Variants in WWOX observed in about 807,000 individuals in gnomAD.
WWOX encodes the protein WW domain-containing oxidoreductase.
A neutral mutation model predicts 46.2 loss-of-function variants in WWOX; 69 were observed. The observed-to-expected ratio is 1.49, with a 90% confidence interval of 1.23 to 1.82. The LOEUF is 1.82. Among genes scored for constraint, WWOX ranks in the 40% most tolerant of loss-of-function variants. The pLI, the probability that WWOX is intolerant of heterozygous loss-of-function variation, is 0.00. For missense variants in WWOX, 919 were observed against 542.6 expected (o/e 1.69, Z -6.89); for synonymous variants, 359 against 202.6 (o/e 1.77, Z -6.56).
rs1273161638 is a variant in WWOX at position 78,338,920 on chromosome 16, C to G, written c.517-47940C>G. On this transcript the variant is annotated intron_variant, in intron 5 of 8. Transcript: ENST00000566780. ...AAGTTAAAGCAGCCCTCAGCATCAA[C>G]TTCTTCTTCATTTCTAACTCATTTA... 1.7e-5 allele frequency among the ~76,000 whole-genome samples: 2 copies of G among 120,648 alleles called. 1 individual carries two copies. The highest frequency in any genetic ancestry group is 4.0e-5 in the Non-Finnish European group (2 of 50,602). 79.1% of individuals were successfully genotyped at this position (120,648 alleles called of 152,430 possible).
At chr16:78,798,114 G>A (rs897884802) in intron 8 of WWOX, among the ~76,000 whole-genome samples, 4 of 152,200 alleles carry the variant, frequency 2.6e-5, no homozygotes, top group Non-Finnish European at 5.9e-5. Context: ...GCTTGCTCAT[G>A]TTATATAGGG....
At chr16:78,765,059 G>T (rs1251703822) in intron 8 of WWOX, among the ~76,000 whole-genome samples, 1 of 152,236 alleles carries the variant, frequency 6.6e-6, no homozygotes, top group Admixed American at 6.5e-5. Flanking sequence ...TGGAAGGGAA[G>T]TCTCAGCATC....
intron 8 of WWOX, among the ~76,000 whole-genome samples, chr16:79,082,515 G>C (rs2048779335): frequency 6.6e-6 from 1 of 152,186 alleles, no homozygotes; most frequent in Non-Finnish European, 1.5e-5. Flanking sequence ...GTAGCCCAAA[G>C]GAACTGTGTG....
intron 8 of WWOX, among the ~76,000 whole-genome samples, chr16:78,469,240 T>C (rs2084162024): frequency 6.6e-6 from 1 of 152,010 alleles, no homozygotes; most frequent in African/African-American, 2.4e-5. Flanking sequence ...AAACCACCCA[T>C]CAAGATATCC....
At chr16:78,765,940 C>T (rs1381201303) in intron 8 of WWOX, among the ~76,000 whole-genome samples, 2 of 152,094 alleles carry the variant, frequency 1.3e-5, no homozygotes, top group African/African-American at 4.8e-5. Context: ...GAGGGGTGAT[C>T]AGGGATCCCA....
intron 8 of WWOX, chr16:78,895,669 C>G (rs923921475): frequency 6.6e-6 from 1 of 152,172 alleles, no homozygotes; most frequent in Non-Finnish European, 1.5e-5. Flanking sequence ...TGGTGTTTTC[C>G]TTCTACTACT....
chr16:79,082,531 C>T (rs1375750628), intron 8 of WWOX, among the ~76,000 whole-genome samples: 4 of 152,156 alleles, frequency 2.6e-5, no homozygotes, highest in African/African-American at 9.7e-5. Flanking sequence ...GTGTGCCTCG[C>T]ATCTTGGTCC....
rs1032745572 is a variant in WWOX at position 78,720,922 on chromosome 16, A to T, written c.1056+288170A>T. ...GATAAGTTCCTCCCCCATCCTCAGG[A>T]TGAAACCAAGAGCACTTCTCCATCA... On this transcript the variant is annotated intron_variant, in intron 8 of 8. Transcript: ENST00000566780. Among the ~76,000 whole-genome samples, 49 of 152,252 alleles carry T rather than the reference A, an allele frequency of 3.2e-4. 1 individual carries two copies. Among genetic ancestry groups the T allele is most frequent in the African/African-American group, 1.1e-3 (46 of 41,562 alleles).
At chr16:78,519,303 C>T (rs1004478106) in intron 8 of WWOX, among the ~76,000 whole-genome samples, 8 of 152,242 alleles carry the variant, frequency 5.3e-5, no homozygotes, top group African/African-American at 9.6e-5. Context: ...CGATTGCTTT[C>T]CTGAAGGCAG....
At chr16:78,253,161 A>G (rs533466369) in intron 5 of WWOX, among the ~76,000 whole-genome samples, 176 of 152,294 alleles carry the variant, frequency 1.2e-3, no homozygotes, top group African/African-American at 4.0e-3. Flanking sequence ...TATTCTCCCT[A>G]TATCACTGAA....
At chr16:78,548,674 G>C (rs2044106146) in intron 8 of WWOX, among the ~76,000 whole-genome samples, 1 of 152,176 alleles carries the variant, frequency 6.6e-6, no homozygotes, top group South Asian at 2.1e-4. Context: ...CCACAGAAGT[G>C]ATTCCAGGTC....
chr16:78,266,075 C>T (rs1433875878), intron 5 of WWOX: 2 of 152,164 alleles, frequency 1.3e-5, no homozygotes, highest in South Asian at 2.1e-4. Flanking sequence ...ACAATTTCCC[C>T]TGCATCAAAC....
At chr16:78,540,620 G>C (rs1275880295) in intron 8 of WWOX, among the ~76,000 whole-genome samples, 6 of 151,962 alleles carry the variant, frequency 3.9e-5, no homozygotes, top group Admixed American at 2.0e-4. Flanking sequence ...CCCTGGGCTT[G>C]TTAGCTCCTA....
intron 5 of WWOX, among the ~76,000 whole-genome samples, chr16:78,269,494 A>G (rs1010396053): frequency 6.6e-6 from 1 of 152,204 alleles, no homozygotes; most frequent in South Asian, 2.1e-4. Context: ...TAACACAGTG[A>G]GTTATGACAC....
At chr16:78,296,843 G>C (rs150054458) in intron 5 of WWOX, among the ~76,000 whole-genome samples, 2 of 152,108 alleles carry the variant, frequency 1.3e-5, no homozygotes, top group African/African-American at 4.8e-5. Context: ...TCTGGGTCTC[G>C]TTCGGTTGTT....
At chr16:78,361,415 G>C (rs527349912) in intron 5 of WWOX, among the ~76,000 whole-genome samples, 26 of 152,260 alleles carry the variant, frequency 1.7e-4, no homozygotes, top group African/African-American at 5.8e-4. Context: ...TTTGAAGGGA[G>C]ATGTTTTGAG....
intron 8 of WWOX, among the ~76,000 whole-genome samples, chr16:78,806,270 C>G (rs1354642326): frequency 2.0e-5 from 3 of 152,110 alleles, no homozygotes; most frequent in African/African-American, 7.2e-5. Context: ...ATTTGGATAT[C>G]ATTGATGAGG....
chr16:78,240,347 A>C (rs1051532622), intron 5 of WWOX, among the ~76,000 whole-genome samples: 5 of 152,022 alleles, frequency 3.3e-5, no homozygotes, highest in Admixed American at 6.6e-5. Context: ...ACAAAACAGA[A>C]AAAGGAGGAG....
chr16:78,477,900 T>C (rs965902959), intron 8 of WWOX, among the ~76,000 whole-genome samples: 21 of 152,138 alleles, frequency 1.4e-4, no homozygotes, highest in African/African-American at 4.3e-4. Flanking sequence ...ATAAAAGATA[T>C]GGAAAAAGAT....
Sources: gnomAD v4.1 joint callset for allele counts (sites outside exome capture counted in the v4.1 genomes callset) on GRCh38, gnomAD v4.1.1 for gene constraint, MANE v1.5 for transcripts, NCBI Gene and HGNC (gene_info 2026-07-23, HGNC 2026-07-21) for gene names.